The following TTLL2 variants were observed in gnomAD, a reference collection of about 807,000 sequenced individuals.
The protein encoded by TTLL2 is probable tubulin polyglutamylase TTLL2.
Under a neutral mutation model 7.5 loss-of-function variants are expected in TTLL2, and 10 were observed. The ratio of observed to expected loss-of-function variants is 1.33; its 90% CI spans 0.82 to 2.25. The LOEUF is 2.25. TTLL2 is among the 30% of genes most tolerant of loss of function. The pLI is 0.00. For synonymous variants in TTLL2, 284 were observed against 280.3 expected (o/e 1.01, Z -0.13); for missense variants, 733 against 735.7 (o/e 1.00, Z 0.04).
chr6:167,338,609 A>G, intron 1 of TTLL2, 38 bp from the exon 2 acceptor site: 1 of 1,585,892 alleles, frequency 6.3e-7, no homozygotes, highest in Non-Finnish European at 8.6e-7. Context: ...GACAAGGGAG[A>G]TGCTGTGTGT....
rs889124620 is a variant in TTLL2, at chr6:167,342,138, C to T, written c.*459C>T. Reference sequence around the variant, plus strand: ...TTTTGTTAACTTAAGATCAGACAATCATTCAGAGTGAGATAAATCACTGAA... The same window carrying T: ...TTTTGTTAACTTAAGATCAGACAATTATTCAGAGTGAGATAAATCACTGAA... On this transcript the variant is annotated 3_prime_UTR_variant, in exon 3 of 3. Coordinates refer to ENST00000239587, the MANE Select transcript of TTLL2 (RefSeq NM_031949.5). 6.6e-6 allele frequency among the ~76,000 whole-genome samples: 1 copy of T among 152,194 alleles called. No individual in the cohort carries two copies. The highest frequency in any genetic ancestry group is 2.4e-5 in the African/African-American group (1 of 41,420).
rs1356838869 is a variant in TTLL2 at position 167,342,046 on chromosome 6, C to T, written c.*367C>T. The T allele has an allele frequency of 5.9e-6, 1 of 169,050 alleles. No individual in the cohort carries two copies. The highest frequency in any genetic ancestry group is 6.0e-5 in the Admixed American group (1 of 16,796). 10.5% of individuals were successfully genotyped at this position (169,050 alleles called of 1,614,324 possible). The stretch of plus-strand genomic sequence containing the variant: ...AAAGGATTATTAGGTGAAAACAGTA[C>T]AAAAGAAGCCAGGAGTTAACTTTCT... On this transcript the variant is annotated 3_prime_UTR_variant, in exon 3 of 3. Transcript: ENST00000239587.
At chr6:167,325,668 A>G (rs1778839495) in intron 1 of TTLL2, among the ~76,000 whole-genome samples, 1 of 152,158 alleles carries the variant, frequency 6.6e-6, no homozygotes, top group Non-Finnish European at 1.5e-5. Flanking sequence ...TGGATCATCT[A>G]TGAAACACAC....
chr6:167,331,329 AG>A (rs1778917965), intron 1 of TTLL2, among the ~76,000 whole-genome samples: 1 of 152,156 alleles, frequency 6.6e-6, no homozygotes, highest in South Asian at 2.1e-4. Context: ...GTCACTCTGC[AG>A]TGGCATAGAA....
intron 1 of TTLL2, among the ~76,000 whole-genome samples, chr6:167,334,635 G>C (rs1400266334): frequency 7.3e-6 from 1 of 136,964 alleles, no homozygotes; most frequent in African/African-American, 2.9e-5. Context: ...TAGATCAATG[G>C]AACAGAACAG....
intron 1 of TTLL2, among the ~76,000 whole-genome samples, chr6:167,333,261 T>C (rs1346272355): frequency 1.1e-5 from 1 of 91,144 alleles, no homozygotes; most frequent in Non-Finnish European, 2.1e-5. Flanking sequence ...TTTGCGTATA[T>C]TGAACCAGCC....
chr6:167,326,555 G>A (rs958824143), intron 1 of TTLL2, among the ~76,000 whole-genome samples: 2 of 152,016 alleles, frequency 1.3e-5, no homozygotes, highest in Admixed American at 6.6e-5. Context: ...GAACAATCAC[G>A]CACAAGGCCT....
At chr6:167,337,594 T>C (rs1046603757) in intron 1 of TTLL2, among the ~76,000 whole-genome samples, 1 of 152,202 alleles carries the variant, frequency 6.6e-6, no homozygotes, top group Non-Finnish European at 1.5e-5. Context: ...GTCTGCAGTC[T>C]GGCGCGGTGT....
chr6:167,341,813 G>C lies in TTLL2; in HGVS notation c.*134G>C, dbSNP rs1779102087. The C allele has an allele frequency of 1.0e-6, 1 of 959,060 alleles. No individual in the cohort carries two copies. Among genetic ancestry groups the C allele is most frequent in the Admixed American group, 3.0e-5 (1 of 33,874 alleles). The allele number at this position is 959,060 out of a possible 1,614,324, so 59.4% of individuals were successfully genotyped here. A position where few individuals can be genotyped will look rare whatever the true frequency, so the allele number is the denominator to read the frequency against. On this transcript the variant is annotated 3_prime_UTR_variant, in exon 3 of 3. Coordinates refer to ENST00000239587, the MANE Select transcript of TTLL2 (RefSeq NM_031949.5). ...ACTATGACATTGGGACTGAAGATGT[G>C]GCCATATGTATAAATATAACAGCTC...
intron 1 of TTLL2, among the ~76,000 whole-genome samples, chr6:167,329,106 T>C (rs2115209077): frequency 6.6e-6 from 1 of 152,228 alleles, no homozygotes; most frequent in East Asian, 1.9e-4. Context: ...TCCCTCTCTC[T>C]GTGGCCCCCA....
rs757293861 is a variant in TTLL2, at chr6:167,341,413, C to A, written c.1513C>A (p.Pro505Thr). 1 of 1,613,960 alleles carries A rather than the reference C, an allele frequency of 6.2e-7. No individual in the cohort carries two copies. The highest frequency in any genetic ancestry group is 1.1e-5 in the South Asian group (1 of 91,068). ...TTTTCATCTGTCAACAAGGGAGATG[C>A]CACAAAGCAAGCCCAAGTTACGGAG... ...QDFHLSTREM[P>T]QSKPKLRSRH... The change falls in exon 3 of 3, where the codon CCA becomes ACA. Residue 505 changes from proline (P) to threonine (T), a missense_variant. By Grantham distance (38) the Pro-to-Thr change is conservative. Coordinates refer to ENST00000239587, the MANE Select transcript of TTLL2 (RefSeq NM_031949.5).
Position 167,340,228 on chromosome 6 carries a change from A to G in TTLL2, c.328A>G (p.Lys110Glu), listed in dbSNP as rs1421461996. 6.2e-6 allele frequency: 10 copies of G among 1,614,114 alleles called. No individual in the cohort carries two copies. The highest frequency in any genetic ancestry group is 7.6e-6 in the Non-Finnish European group (9 of 1,180,018). ...QSVLLERGWN[K>E]FDKQEQNAED... The stretch of plus-strand genomic sequence containing the variant: ...CGTCCTCCTGGAGAGGGGGTGGAAT[A>G]AGTTTGATAAGCAGGAGCAGAACGC... Residue 110 changes from lysine (K) to glutamate (E), a missense_variant, in exon 3 of 3, where the codon AAG becomes GAG. Coordinates refer to ENST00000239587, the MANE Select transcript of TTLL2 (RefSeq NM_031949.5).
intron 1 of TTLL2, among the ~76,000 whole-genome samples, chr6:167,334,530 G>A (rs1265521857): frequency 6.6e-6 from 1 of 151,858 alleles, no homozygotes. Flanking sequence ...TAAGCCAAAA[G>A]AACAAAGCTG....
chr6:167,339,219 T>C (rs2115224330), intron 2 of TTLL2, among the ~76,000 whole-genome samples: 1 of 152,264 alleles, frequency 6.6e-6, no homozygotes, highest in South Asian at 2.1e-4. Context: ...ACAATACAAA[T>C]CAAAATTGCC....
In TTLL2 at chr6:167,325,325, C is replaced by T. The variant is rs556377015; in HGVS notation, c.47+105C>T. ...GCACAGGGGCCAGGGTCACTAGGAGCAGCGAGTGTGCACTGGGACCCCCGA... is the reference window on the plus strand; with the variant it reads ...GCACAGGGGCCAGGGTCACTAGGAGTAGCGAGTGTGCACTGGGACCCCCGA... On this transcript the variant is annotated intron_variant, in intron 1 of 2. Coordinates refer to ENST00000239587, the MANE Select transcript of TTLL2 (RefSeq NM_031949.5). 5.3e-5 allele frequency: 64 copies of T among 1,214,460 alleles called. No homozygotes were observed. In the East Asian group the frequency reaches 1.8e-3, roughly 34 times the overall value. 75.2% of individuals were successfully genotyped at this position (1,214,460 alleles called of 1,614,324 possible). A position where few individuals can be genotyped will look rare whatever the true frequency, so the allele number is the denominator to read the frequency against.
At chr6:167,331,545 G>A (rs1275844496) in intron 1 of TTLL2, among the ~76,000 whole-genome samples, 3 of 152,108 alleles carry the variant, frequency 2.0e-5, no homozygotes, top group Admixed American at 1.3e-4. Flanking sequence ...TTCATTTTAT[G>A]TAATGTTCTC....
At chr6:167,325,465 A>G (rs1265131229) in intron 1 of TTLL2, among the ~76,000 whole-genome samples, 1 of 152,222 alleles carries the variant, frequency 6.6e-6, no homozygotes, top group African/African-American at 2.4e-5. Flanking sequence ...TGCCTCCTGC[A>G]TGCTGAGGTG....
intron 1 of TTLL2, chr6:167,328,237 C>A: frequency 2.4e-6 from 1 of 423,714 alleles, no homozygotes; most frequent in Non-Finnish European, 4.7e-6. Flanking sequence ...GGGAGCCGCT[C>A]TCTCCTACTG....
chr6:167,327,943 A>G (rs1583106794), intron 1 of TTLL2: 1 of 454,644 alleles, frequency 2.2e-6, no homozygotes, highest in Non-Finnish European at 4.4e-6. Flanking sequence ...AGCATCTGGT[A>G]TCAAGGTCAC....
Sources: allele counts gnomAD v4.1 joint callset (sites outside exome capture counted in the v4.1 genomes callset), GRCh38; gene constraint gnomAD v4.1.1; transcripts MANE v1.5; gene names NCBI Gene and HGNC (gene_info 2026-07-23, HGNC 2026-07-21).